RANBP2: variants seen among roughly 807,000 people sequenced by gnomAD.
RANBP2 encodes the protein RAN binding protein 2, also known as E3 SUMO-protein ligase RanBP2.
A neutral mutation model predicts 303.6 loss-of-function variants in RANBP2; 57 were observed. That is an observed-to-expected ratio of 0.19 (90% CI 0.15 to 0.23). The LOEUF (loss-of-function observed/expected upper bound fraction) is 0.23, where lower values mean the gene tolerates loss of function less well. Ranked by LOEUF, RANBP2 falls within the 10% of genes least tolerant of loss-of-function variation. The pLI is 1.00. For missense variants in RANBP2, 3,138 were observed against 3,780.8 expected (o/e 0.83, Z 4.46); for synonymous variants, 1,167 against 1,301.5 (o/e 0.90, Z 2.23).
the RANBP2 span, among the ~76,000 whole-genome samples, chr2:109,458,709 A>G: frequency 6.6e-6 from 1 of 152,206 alleles, no homozygotes; most frequent in Non-Finnish European, 1.5e-5. Context: ...TGCAGTCTTG[A>G]GGCAGAAAAT....
chr2:109,541,417 T>C, the RANBP2 span, among the ~76,000 whole-genome samples: 24 of 152,304 alleles, frequency 1.6e-4, no homozygotes, highest in Admixed American at 1.5e-3. Context: ...ACTCCTTAGG[T>C]GAGTCTATTG....
chr2:109,660,147 T>C, the RANBP2 span, among the ~76,000 whole-genome samples: 1 of 152,156 alleles, frequency 6.6e-6, no homozygotes, highest in Middle Eastern at 3.2e-3. Context: ...GTGTCACAAA[T>C]GAAAAATGGA....
the RANBP2 span, among the ~76,000 whole-genome samples, chr2:108,817,299 C>CT: frequency 0.012 from 1,739 of 144,072 alleles, 37 homozygotes; most frequent in African/African-American, 0.04. Context: ...AATCTTTTTT[C>CT]TTTTTTTTTT....
At chr2:108,900,686 T>C in the RANBP2 span, among the ~76,000 whole-genome samples, 1 of 151,912 alleles carries the variant, frequency 6.6e-6, no homozygotes, top group Non-Finnish European at 1.5e-5. Context: ...TTCAATATAA[T>C]GAGAGAGGCG....
chr2:108,755,413 C>CA (rs1397980902), intron 17 of RANBP2, among the ~76,000 whole-genome samples, 154 bp downstream of exon 17: 2 of 147,344 alleles, frequency 1.4e-5, no homozygotes, highest in South Asian at 2.2e-4. Flanking sequence ...TTTTTTAAGA[C>CA]AGGGTCTTGT....
chr2:109,140,097 C>T, the RANBP2 span, among the ~76,000 whole-genome samples: 2 of 152,200 alleles, frequency 1.3e-5, no homozygotes, highest in Admixed American at 6.5e-5. Flanking sequence ...TCCACTTAGT[C>T]CTGGGAGGCC....
At chr2:109,486,710 C>T in the RANBP2 span, among the ~76,000 whole-genome samples, 135 of 151,946 alleles carry the variant, frequency 8.9e-4, 1 homozygote, top group African/African-American at 3.1e-3. Context: ...GTGTGGTTGG[C>T]GCAGGATGTG....
chr2:108,731,752 C>T, intron 4 of RANBP2: 1 of 449,964 alleles, frequency 2.2e-6, no homozygotes, highest in Non-Finnish European at 3.5e-6. Flanking sequence ...CTAAGATTTA[C>T]ATTAAGTTCC....
At position 108,772,540 on chromosome 2, in the gene RANBP2, A is replaced by G. The variant is rs1677581458; in HGVS notation, c.8072A>G (p.Asp2691Gly). 2 of 1,613,888 alleles carry G rather than the reference A, an allele frequency of 1.2e-6. No homozygotes were observed. The highest frequency in any genetic ancestry group is 2.7e-5 in the African/African-American group (2 of 75,048). The change falls in exon 22 of 29, where the codon GAT (aspartate) becomes GGT (glycine). Residue 2691 changes from aspartate (D) to glycine (G), a missense_variant. Asp to Gly is a moderately conservative substitution (Grantham distance 94). Transcript: ENST00000283195. The part of the protein sequence containing the change: ...VKKLNGKLYL[D>G]GSEKCRPLEE... Reference sequence around the variant, plus strand: ...AAACTTAATGGAAAACTATATTTGGATGGCTCAGAAAAATGTAGACCCTTG... The same window carrying G: ...AAACTTAATGGAAAACTATATTTGGGTGGCTCAGAAAAATGTAGACCCTTG...
chr2:109,199,842 T>TGGAATGGAAA, the RANBP2 span, among the ~76,000 whole-genome samples: 1 of 53,618 alleles, frequency 1.9e-5, no homozygotes, highest in African/African-American at 5.2e-5. Context: ...TGGAATGGAA[T>TGGAATGGAAA]GGAATGGAAA....
At chr2:109,165,779 A>G in the RANBP2 span, among the ~76,000 whole-genome samples, 4,245 of 152,178 alleles carry the variant, frequency 0.028, 200 homozygotes, top group African/African-American at 0.097. Flanking sequence ...CTTAAGAATC[A>G]TCATTTAGCA....
chr2:108,820,712 A>AGAAC, the RANBP2 span, among the ~76,000 whole-genome samples: 370 of 22,620 alleles, frequency 0.016, 9 homozygotes, highest in African/African-American at 0.089. Flanking sequence ...AAAAAAAAAA[A>AGAAC]AAACAAACAA....
the RANBP2 span, among the ~76,000 whole-genome samples, chr2:109,009,539 T>G: frequency 6.6e-6 from 1 of 151,954 alleles, no homozygotes; most frequent in Non-Finnish European, 1.5e-5. Flanking sequence ...TTTGTTTTGT[T>G]TTTTGAGACA....
chr2:109,248,481 A>T, the RANBP2 span, among the ~76,000 whole-genome samples: 2 of 152,354 alleles, frequency 1.3e-5, no homozygotes, highest in African/African-American at 4.8e-5. Context: ...AAAGTCATTT[A>T]TGCAGGCCTG....
chr2:108,918,786 A>G, the RANBP2 span, among the ~76,000 whole-genome samples: 1 of 152,156 alleles, frequency 6.6e-6, no homozygotes, highest in Non-Finnish European at 1.5e-5. Context: ...CACACAATTT[A>G]GAATCTCACC....
At chr2:108,988,705 C>T in the RANBP2 span, among the ~76,000 whole-genome samples, 1 of 152,206 alleles carries the variant, frequency 6.6e-6, no homozygotes, top group Non-Finnish European at 1.5e-5. Flanking sequence ...GAAGCACACA[C>T]AGAATTTGTC....
the RANBP2 span, among the ~76,000 whole-genome samples, chr2:108,974,864 A>G: frequency 1.3e-5 from 2 of 152,296 alleles, no homozygotes; most frequent in Admixed American, 6.5e-5. Context: ...GAGCTGCCTC[A>G]CCAGGCCTGC....
At chr2:109,584,912 T>A in the RANBP2 span, among the ~76,000 whole-genome samples, 2 of 152,196 alleles carry the variant, frequency 1.3e-5, no homozygotes, top group Non-Finnish European at 2.9e-5. Context: ...ATAAGGTGAT[T>A]CAAATTATTC....
the RANBP2 span, among the ~76,000 whole-genome samples, chr2:109,702,099 C>T: frequency 6.6e-6 from 1 of 152,352 alleles, no homozygotes; most frequent in African/African-American, 2.4e-5. Flanking sequence ...GTGGTGCCTC[C>T]AGGCAGTGGC....
Sources: allele counts gnomAD v4.1 joint callset (sites outside exome capture counted in the v4.1 genomes callset), GRCh38; gene constraint gnomAD v4.1.1; transcripts MANE v1.5; gene names NCBI Gene and HGNC (gene_info 2026-07-23, HGNC 2026-07-21).